FAM81A: variants seen among roughly 807,000 people sequenced by gnomAD.
The protein encoded by FAM81A is family with sequence similarity 81 member A.
Under a neutral mutation model 46.7 loss-of-function variants are expected in FAM81A, and 19 were observed. The observed-to-expected ratio is 0.41, with a 90% CI of 0.28 to 0.60. The LOEUF is 0.60. FAM81A is among the 20% of genes least tolerant of loss of function. FAM81A has a pLI of 0.34. For synonymous variants in FAM81A, 183 were observed against 152.9 expected (o/e 1.20, Z -1.45); for missense variants, 377 against 453.5 (o/e 0.83, Z 1.53).
intron 4 of FAM81A, among the ~76,000 whole-genome samples, chr15:59,495,586 C>T (rs2082024631): frequency 6.6e-6 from 1 of 152,182 alleles, no homozygotes; most frequent in African/African-American, 2.4e-5. Context: ...TTTTGAGGAA[C>T]AGCGCAGCTA....
intron 4 of FAM81A, among the ~76,000 whole-genome samples, chr15:59,493,851 G>A (rs2082006735): frequency 6.6e-6 from 1 of 152,162 alleles, no homozygotes; most frequent in African/African-American, 2.4e-5. Context: ...GCCTCCAAGA[G>A]TGCTGGGATT....
chr15:59,462,980 T>G (rs1447344073), intron 3 of FAM81A, among the ~76,000 whole-genome samples: 3 of 152,242 alleles, frequency 2.0e-5, no homozygotes, highest in African/African-American at 7.2e-5. Flanking sequence ...TTCGTTTTCC[T>G]AATAGTGTCT....
chr15:59,451,150 G>A (rs2081414052), intron 1 of FAM81A, among the ~76,000 whole-genome samples: 1 of 152,200 alleles, frequency 6.6e-6, no homozygotes, highest in Non-Finnish European at 1.5e-5. Flanking sequence ...GAGATTATCA[G>A]GGGGCTGACT....
At chr15:59,502,249 G>A (rs1238957645) in intron 4 of FAM81A, among the ~76,000 whole-genome samples, 1 of 150,616 alleles carries the variant, frequency 6.6e-6, no homozygotes, top group African/African-American at 2.4e-5. Context: ...AGTTACATAT[G>A]TATACATGTG....
intron 6 of FAM81A, among the ~76,000 whole-genome samples, chr15:59,510,457 C>T (rs1431031672): frequency 6.7e-6 from 1 of 150,300 alleles, no homozygotes; most frequent in African/African-American, 2.4e-5. Flanking sequence ...TCTAAAACTA[C>T]AGAACACCAA....
intron 2 of FAM81A, among the ~76,000 whole-genome samples, chr15:59,427,426 T>A (rs1243707488): frequency 1.3e-5 from 2 of 152,188 alleles, no homozygotes; most frequent in African/African-American, 4.8e-5. Context: ...TAGCTATTTT[T>A]AAATGTGCAA....
intron 4 of FAM81A, among the ~76,000 whole-genome samples, chr15:59,495,633 C>T (rs567770683): frequency 3.3e-5 from 5 of 152,292 alleles, no homozygotes; most frequent in African/African-American, 1.2e-4. Context: ...TTACATTGCC[C>T]CCAGCAGTGT....
chr15:59,473,324 G>C (rs774400841), intron 3 of FAM81A, among the ~76,000 whole-genome samples: 1 of 152,044 alleles, frequency 6.6e-6, no homozygotes, highest in East Asian at 1.9e-4. Flanking sequence ...ACCCGGCCTG[G>C]GTGGGACGTG....
intron 3 of FAM81A, among the ~76,000 whole-genome samples, chr15:59,466,488 G>T (rs1247770136): frequency 6.6e-6 from 1 of 151,260 alleles, no homozygotes; most frequent in African/African-American, 2.5e-5. Flanking sequence ...GTGTCTGTTG[G>T]CTGCATAGAC....
rs2082344758 is a variant in FAM81A, at chr15:59,523,259, G to A, written c.*1881G>A. 2.0e-5 allele frequency: 3 copies of A among 152,266 alleles called. No homozygotes were observed. The South Asian group carries it at 6.2e-4, about 31-fold the overall frequency. 9.4% of individuals were successfully genotyped at this position (152,266 alleles called of 1,614,324 possible). A position where few individuals can be genotyped will look rare whatever the true frequency, so the allele number is the denominator to read the frequency against. ...TCTGACATTGCCAGCCCCTTGAGAT[G>A]AGCCACCGCAGGTGTGCTCACCTTG... On this transcript the variant is annotated 3_prime_UTR_variant, in exon 9 of 9. Transcript: ENST00000288228.
intron 6 of FAM81A, among the ~76,000 whole-genome samples, chr15:59,510,777 C>CA (rs71119479): frequency 0.11 from 2,760 of 25,756 alleles, 729 homozygotes; most frequent in African/African-American, 0.22. Flanking sequence ...GACCCTGTCT[C>CA]AAAAAAAAAA....
At chr15:59,438,483 C>G (rs998166936) in intron 1 of FAM81A, 2 of 152,244 alleles carry the variant, frequency 1.3e-5, no homozygotes, top group African/African-American at 2.4e-5. Context: ...GGGCACAGAG[C>G]GCAACTGGCG....
intron 3 of FAM81A, among the ~76,000 whole-genome samples, chr15:59,487,051 A>G (rs961128518): frequency 6.6e-6 from 1 of 151,814 alleles, no homozygotes; most frequent in Non-Finnish European, 1.5e-5. Flanking sequence ...AGATGAAAAG[A>G]TGAACCAATC....
chr15:59,512,903 C>G (rs1442437430), intron 6 of FAM81A, among the ~76,000 whole-genome samples: 3 of 152,208 alleles, frequency 2.0e-5, no homozygotes, highest in Non-Finnish European at 4.4e-5. Context: ...GAGGCTATAT[C>G]TCGCTGCAAG....
intron 2 of FAM81A, among the ~76,000 whole-genome samples, chr15:59,459,722 G>A (rs374899354): frequency 6.6e-5 from 10 of 152,040 alleles, no homozygotes; most frequent in African/African-American, 1.4e-4. Flanking sequence ...CATGGAGACC[G>A]CTTCTAAAAC....
At chr15:59,398,323 C>G (rs988780236) in intron 1 of FAM81A, among the ~76,000 whole-genome samples, 5 of 152,186 alleles carry the variant, frequency 3.3e-5, no homozygotes, top group Non-Finnish European at 7.3e-5. Flanking sequence ...GGGAGGAACA[C>G]TGTGTAAATT....
chr15:59,470,501 T>C (rs1026554991), intron 3 of FAM81A, among the ~76,000 whole-genome samples: 1 of 152,212 alleles, frequency 6.6e-6, no homozygotes, highest in Non-Finnish European at 1.5e-5. Flanking sequence ...GAATCGGCTA[T>C]TGAAGCTTGT....
At chr15:59,452,619 C>G (rs756978124) in intron 1 of FAM81A, among the ~76,000 whole-genome samples, 3 of 152,112 alleles carry the variant, frequency 2.0e-5, no homozygotes, top group Non-Finnish European at 2.9e-5. Context: ...TGTATTCTAA[C>G]CTGGGTGACA....
chr15:59,399,463 CACAA>C (rs2081061187), intron 1 of FAM81A, among the ~76,000 whole-genome samples: 1 of 151,996 alleles, frequency 6.6e-6, no homozygotes, highest in Admixed American at 6.6e-5. Context: ...CAGTCTCTGC[CACAA>C]ACATTGAACC....
Sources: gnomAD v4.1 joint callset for allele counts (sites outside exome capture counted in the v4.1 genomes callset) on GRCh38, gnomAD v4.1.1 for gene constraint, MANE v1.5 for transcripts, NCBI Gene and HGNC (gene_info 2026-07-23, HGNC 2026-07-21) for gene names.